TMEM178B: variants seen among roughly 807,000 people sequenced by gnomAD.
TMEM178B encodes the protein transmembrane protein 178B.
A neutral mutation model predicts 31.0 loss-of-function variants in TMEM178B; 5 were observed. The observed-to-expected ratio is 0.16, with a 90% CI of 0.08 to 0.34. The LOEUF (loss-of-function observed/expected upper bound fraction) is 0.34. TMEM178B is among the 10% of genes least tolerant of loss of function. TMEM178B has a pLI of 1.00. For missense variants in TMEM178B, 275 were observed against 400.3 expected (o/e 0.69, Z 2.67); for synonymous variants, 164 against 164.0 (o/e 1.00, Z 0.00).
chr7:141,091,260 T>TA (rs903063796), intron 1 of TMEM178B, among the ~76,000 whole-genome samples: 4 of 152,114 alleles, frequency 2.6e-5, no homozygotes, highest in South Asian at 2.1e-4. Flanking sequence ...GGCTTTAATT[T>TA]AAAAAAAATT....
At chr7:141,458,645 T>A (rs1802008643) in intron 3 of TMEM178B, among the ~76,000 whole-genome samples, 1 of 152,114 alleles carries the variant, frequency 6.6e-6, no homozygotes, top group South Asian at 2.1e-4. Context: ...TTGAGAACAA[T>A]TTTTCTTCAA....
intron 2 of TMEM178B, among the ~76,000 whole-genome samples, chr7:141,411,354 T>C (rs577147286): frequency 6.6e-6 from 1 of 152,282 alleles, no homozygotes; most frequent in African/African-American, 2.4e-5. Flanking sequence ...TGGTGATGGT[T>C]GCGCAACAGT....
chr7:141,211,862 G>T (rs1309304975), intron 1 of TMEM178B, among the ~76,000 whole-genome samples: 1 of 152,110 alleles, frequency 6.6e-6, no homozygotes, highest in African/African-American at 2.4e-5. Context: ...GTAGGTCTGG[G>T]GTTGAGCCTG....
chr7:141,237,749 C>T (rs1468409761), intron 2 of TMEM178B, among the ~76,000 whole-genome samples: 3 of 152,066 alleles, frequency 2.0e-5, no homozygotes, highest in South Asian at 2.1e-4. Flanking sequence ...CAGGGCTGGG[C>T]GTGGTGTCTC....
chr7:141,401,963 T>C (rs1310395678), intron 2 of TMEM178B, among the ~76,000 whole-genome samples: 2 of 152,206 alleles, frequency 1.3e-5, no homozygotes, highest in Non-Finnish European at 2.9e-5. Flanking sequence ...AGTCCTTTGC[T>C]GCATCTCCAA....
chr7:141,080,359 G>A (rs1302034215), intron 1 of TMEM178B, among the ~76,000 whole-genome samples: 1 of 152,200 alleles, frequency 6.6e-6, no homozygotes, highest in Non-Finnish European at 1.5e-5. Flanking sequence ...GGTGGCGCAC[G>A]CCTGTAATCC....
intron 1 of TMEM178B, among the ~76,000 whole-genome samples, chr7:141,207,917 C>T (rs889573411): frequency 1.3e-5 from 2 of 152,108 alleles, no homozygotes; most frequent in African/African-American, 2.4e-5. Flanking sequence ...AGGCCAGGTG[C>T]GGTGGCTTGT....
intron 1 of TMEM178B, among the ~76,000 whole-genome samples, chr7:141,116,276 A>C (rs1391036656): frequency 1.3e-5 from 2 of 152,204 alleles, no homozygotes; most frequent in Non-Finnish European, 2.9e-5. Context: ...GGGTGCAGAC[A>C]CAGAATGGCA....
chr7:141,101,339 GAAT>G (rs1250494699), intron 1 of TMEM178B, among the ~76,000 whole-genome samples: 1 of 152,132 alleles, frequency 6.6e-6, no homozygotes, highest in Non-Finnish European at 1.5e-5. Context: ...TTAAAAACTG[GAAT>G]AATAGATTTT....
intron 2 of TMEM178B, among the ~76,000 whole-genome samples, chr7:141,354,474 C>A (rs1263157492): frequency 6.6e-6 from 1 of 152,160 alleles, no homozygotes; most frequent in East Asian, 1.9e-4. Context: ...AATGAAGCAG[C>A]TTACTCACTC....
chr7:141,177,766 C>G (rs1331492663), intron 1 of TMEM178B, among the ~76,000 whole-genome samples: 1 of 152,072 alleles, frequency 6.6e-6, no homozygotes, highest in Non-Finnish European at 1.5e-5. Context: ...ATTGCAACCC[C>G]TGCTTTTTTT....
chr7:141,398,817 T>C (rs1800702353), intron 2 of TMEM178B, among the ~76,000 whole-genome samples: 1 of 152,270 alleles, frequency 6.6e-6, no homozygotes, highest in Non-Finnish European at 1.5e-5. Context: ...CCCAGAAAGA[T>C]GAACTGACTT....
At chr7:141,224,953 A>G (rs1461047734) in intron 2 of TMEM178B, among the ~76,000 whole-genome samples, 1 of 152,202 alleles carries the variant, frequency 6.6e-6, no homozygotes, top group Non-Finnish European at 1.5e-5. Flanking sequence ...TGTATGAGCA[A>G]TCTCTAAAGG....
intron 2 of TMEM178B, among the ~76,000 whole-genome samples, chr7:141,410,649 C>T (rs538109631): frequency 5.9e-5 from 9 of 152,060 alleles, no homozygotes; most frequent in African/African-American, 9.6e-5. Context: ...AAATCGCAGC[C>T]TCAGAGGTGC....
In TMEM178B at chr7:141,318,271, A is replaced by G. The variant is rs1799039960; in HGVS notation, c.496+105567A>G. Among the ~76,000 whole-genome samples the G allele has an allele frequency of 1.3e-5, 2 of 152,186 alleles. No individual in the cohort carries two copies. The highest frequency in any genetic ancestry group is 2.9e-5 in the Non-Finnish European group (2 of 68,036). ...TATTGAATGTTGAGCCTGTAAAGAT[A>G]AAGTATGATGATGGCTGGCCATTCT... On this transcript the variant is annotated intron_variant, in intron 2 of 3. Coordinates refer to ENST00000565468, the MANE Select transcript of TMEM178B (RefSeq NM_001195278.2). This position sits in a 1 kb window ranked among gnomAD's most constrained non-coding sequence, Gnocchi z 4.1.
intron 2 of TMEM178B, among the ~76,000 whole-genome samples, chr7:141,272,207 C>T (rs532556136): frequency 6.6e-6 from 1 of 152,302 alleles, no homozygotes; most frequent in East Asian, 1.9e-4. Context: ...CATTTCCCAT[C>T]TCCTGCAGTG....
At chr7:141,488,225 C>T in the TMEM178B span, among the ~76,000 whole-genome samples, 1 of 152,138 alleles carries the variant, frequency 6.6e-6, no homozygotes, top group Admixed American at 6.6e-5. Context: ...AAATGGCCTT[C>T]AGAAAGTACT....
At chr7:141,495,540 T>C in the TMEM178B span, among the ~76,000 whole-genome samples, 19 of 152,198 alleles carry the variant, frequency 1.2e-4, no homozygotes, top group African/African-American at 4.6e-4. Context: ...AACTTGACAA[T>C]ATCAAGATTT....
intron 1 of TMEM178B, among the ~76,000 whole-genome samples, chr7:141,091,946 T>C (rs1178649483): frequency 2.0e-5 from 3 of 152,172 alleles, no homozygotes; most frequent in Non-Finnish European, 4.4e-5. Flanking sequence ...CAGACTGGCC[T>C]CGAACTCCTG....
Sources: allele counts gnomAD v4.1 joint callset (sites outside exome capture counted in the v4.1 genomes callset), GRCh38; gene constraint gnomAD v4.1.1; non-coding constraint Gnocchi (gnomAD v3.1); transcripts MANE v1.5; gene names NCBI Gene and HGNC (gene_info 2026-07-23, HGNC 2026-07-21).